The following USP4 variants were observed in gnomAD, a reference collection of about 807,000 sequenced individuals.
USP4 encodes ubiquitin specific peptidase 4, also known as ubiquitin carboxyl-terminal hydrolase 4.
USP4 carries 72 observed loss-of-function variants against 118.2 expected under a neutral mutation model. The observed-to-expected ratio is 0.61, with a 90% confidence interval of 0.50 to 0.74. The LOEUF (loss-of-function observed/expected upper bound fraction) is 0.74. USP4 is among the 30% of genes least tolerant of loss of function. USP4 has a pLI of 0.00. For synonymous variants in USP4, 415 were observed against 440.4 expected (o/e 0.94, Z 0.72); for missense variants, 1,037 against 1,185.7 (o/e 0.87, Z 1.84).
intron 19 of USP4, among the ~76,000 whole-genome samples, chr3:49,283,022 T>TC (rs2047052847): frequency 7.1e-6 from 1 of 140,276 alleles, no homozygotes; most frequent in Non-Finnish European, 1.5e-5. Flanking sequence ...TTTTTTTTTT[T>TC]TTTTTTTTTT....
intron 16 of USP4, among the ~76,000 whole-genome samples, chr3:49,285,304 G>GAAAA (rs745971045): frequency 1.0e-4 from 15 of 144,340 alleles, no homozygotes; most frequent in South Asian, 2.2e-4. Flanking sequence ...CTGACAGAAG[G>GAAAA]AAAAAAAAAA....
At chr3:49,289,174 G>A (rs2047128309) in intron 15 of USP4, among the ~76,000 whole-genome samples, 1 of 152,168 alleles carries the variant, frequency 6.6e-6, no homozygotes, top group Non-Finnish European at 1.5e-5. Context: ...TCACCTGTAG[G>A]ATTCAAAAGG....
chr3:49,308,329 T>A (rs1250049917), intron 8 of USP4, among the ~76,000 whole-genome samples: 1 of 152,154 alleles, frequency 6.6e-6, no homozygotes, highest in Admixed American at 6.6e-5. Flanking sequence ...CTTTATTATA[T>A]ATTTTTTTGA....
rs369869449 is a variant in USP4, at chr3:49,324,683, G to T, written c.695+19C>A. On this transcript the variant is annotated intron_variant, in intron 6 of 21. Coordinates refer to ENST00000265560, the MANE Select transcript of USP4 (RefSeq NM_003363.4). ...TTTGCACATGTGAGCCTACAACAAG[G>T]GAGAAAAAATTCACTTACTTTGACT... is the stretch of plus-strand genomic sequence containing the variant. The T allele has an allele frequency of 1.2e-6, 2 of 1,611,784 alleles. No individual in the cohort carries two copies. Among genetic ancestry groups the T allele is most frequent in the African/African-American group, 1.3e-5 (1 of 74,872 alleles).
At chr3:49,334,027 AAAAG>A (rs1180208189) in intron 2 of USP4, among the ~76,000 whole-genome samples, 1 of 152,208 alleles carries the variant, frequency 6.6e-6, no homozygotes, top group Non-Finnish European at 1.5e-5. Flanking sequence ...CTCAAAAAAA[AAAAG>A]AAAGCTCCCT....
At chr3:49,313,948 C>T (rs1414742790) in intron 6 of USP4, 1 of 152,074 alleles carries the variant, frequency 6.6e-6, no homozygotes, top group Non-Finnish European at 1.5e-5. Context: ...CTCAAGCAAC[C>T]CTCCTGCCTC....
intron 15 of USP4, 60 bp downstream of exon 15, chr3:49,292,450 G>C (rs2047161367): frequency 8.5e-7 from 1 of 1,177,256 alleles, no homozygotes. Flanking sequence ...ACCTTTAGAA[G>C]AAGAGGGAAA....
At chr3:49,314,869 T>C (rs2047419727) in intron 6 of USP4, among the ~76,000 whole-genome samples, 1 of 152,084 alleles carries the variant, frequency 6.6e-6, no homozygotes, top group Admixed American at 6.6e-5. Context: ...TATTTATTTA[T>C]TTATTTTTAA....
chr3:49,309,915 C>T (rs2107786992), intron 8 of USP4, among the ~76,000 whole-genome samples: 1 of 140,148 alleles, frequency 7.1e-6, no homozygotes, highest in South Asian at 2.3e-4. Context: ...GCGTGAGCCA[C>T]AGTGCTGCCC....
intron 2 of USP4, among the ~76,000 whole-genome samples, chr3:49,329,967 T>C (rs1241958801): frequency 3.3e-5 from 5 of 151,884 alleles, no homozygotes; most frequent in Admixed American, 6.6e-5. Flanking sequence ...TGGTGAAACC[T>C]GGTCTCTACT....
At chr3:49,295,838 G>A (rs755135597) in intron 13 of USP4, among the ~76,000 whole-genome samples, 2 of 152,060 alleles carry the variant, frequency 1.3e-5, no homozygotes, top group African/African-American at 2.4e-5. Context: ...AGTAAATACT[G>A]TGGTCCAGCA....
chr3:49,301,409 G>A (rs376293046), intron 10 of USP4, among the ~76,000 whole-genome samples: 4 of 152,062 alleles, frequency 2.6e-5, no homozygotes, highest in East Asian at 1.9e-4. Flanking sequence ...GGTTTTTGGC[G>A]GGGCACGGTG....
intron 6 of USP4, chr3:49,317,351 C>CCTCCTCCTGCTGGATCTGCCAGCACAG: frequency 8.2e-7 from 1 of 1,213,144 alleles, no homozygotes. Flanking sequence ...TGTTTCTTGT[C>CCTCCTCCTGCTGGATCTGCCAGCACAG]CTCCTCCTGC....
chr3:49,290,555 T>G (rs1163242861), intron 15 of USP4, among the ~76,000 whole-genome samples: 1 of 152,208 alleles, frequency 6.6e-6, no homozygotes, highest in East Asian at 1.9e-4. Context: ...TGTTCTGTTG[T>G]CCAGGCTGGA....
chr3:49,332,132 C>T (rs1159602427), intron 2 of USP4, among the ~76,000 whole-genome samples: 1 of 151,874 alleles, frequency 6.6e-6, no homozygotes, highest in African/African-American at 2.4e-5. Flanking sequence ...AAAAAATTAG[C>T]TGGGTGTGGT....
intron 19 of USP4, among the ~76,000 whole-genome samples, chr3:49,283,773 T>C (rs1330665537): frequency 6.6e-6 from 1 of 152,130 alleles, no homozygotes; most frequent in Non-Finnish European, 1.5e-5. Context: ...CAGCAGCCTG[T>C]GTCTGGGCAA....
intron 1 of USP4, among the ~76,000 whole-genome samples, chr3:49,336,008 C>A (rs2047665610): frequency 6.6e-6 from 1 of 151,938 alleles, no homozygotes; most frequent in African/African-American, 2.4e-5. Flanking sequence ...GGATTACAGG[C>A]ACCTGTCACC....
chr3:49,304,958 T>C (rs758426252), intron 9 of USP4, among the ~76,000 whole-genome samples: 2 of 151,554 alleles, frequency 1.3e-5, no homozygotes, highest in Non-Finnish European at 2.9e-5. Context: ...GAGACGGGGT[T>C]TCACTATGTT....
In USP4 at chr3:49,300,563, G is replaced by A. The variant is rs763055884; in HGVS notation, c.1416C>T (p.Asp472=). 1.9e-6 allele frequency: 3 copies of A among 1,614,212 alleles called. No individual in the cohort carries two copies. Among genetic ancestry groups the A allele is most frequent in the Non-Finnish European group, 2.5e-6 (3 of 1,180,044 alleles). ...PECAKVSVTF[D]PFCYLTLPLP... is the part of the protein sequence containing the mutation. ...GTGGCAGCGTTAGATAGCAAAATGG[G>A]TCAAAGGTCACAGAAACCTTAGCAC... Residue 472 remains aspartate (D), a synonymous_variant, in exon 11 of 22, where the codon GAC becomes GAT. Transcript: ENST00000265560.
Sources: allele counts gnomAD v4.1 joint callset (sites outside exome capture counted in the v4.1 genomes callset), GRCh38; gene constraint gnomAD v4.1.1; transcripts MANE v1.5; gene names NCBI Gene and HGNC (gene_info 2026-07-23, HGNC 2026-07-21).